FRMD6: variants seen among roughly 807,000 people sequenced by gnomAD.
The protein encoded by FRMD6 is FERM domain-containing protein 6.
A neutral mutation model predicts 73.2 loss-of-function variants in FRMD6; 37 were observed. That is an observed-to-expected ratio of 0.51 (90% CI 0.39 to 0.66). The LOEUF is 0.66. Among genes scored for constraint, FRMD6 ranks in the 30% least tolerant of loss-of-function variants. The pLI is 0.00. For missense variants in FRMD6, 714 were observed against 780.5 expected (o/e 0.91, Z 1.02); for synonymous variants, 273 against 282.2 (o/e 0.97, Z 0.33).
At chr14:51,525,009 G>GA (rs1885151801) in intron 1 of FRMD6, among the ~76,000 whole-genome samples, 1 of 137,980 alleles carries the variant, frequency 7.2e-6, no homozygotes, top group African/African-American at 2.7e-5. Context: ...AGGATTGTGT[G>GA]TTGGGTGGGT....
At chr14:51,489,381 C>T (rs999321329) in exon 1 of FRMD6, 6 of 152,638 alleles carry the variant, frequency 3.9e-5, no homozygotes, top group Non-Finnish European at 7.3e-5. Flanking sequence ...CTGCCCCATT[C>T]TGAGAGCAGC....
chr14:51,511,358 T>G (rs1186938115), intron 1 of FRMD6, among the ~76,000 whole-genome samples: 1 of 152,236 alleles, frequency 6.6e-6, no homozygotes, highest in Non-Finnish European at 1.5e-5. Flanking sequence ...ATTCTGATAA[T>G]ATGAATAACA....
chr14:51,409,026 G>A, the FRMD6 span, among the ~76,000 whole-genome samples: 20 of 152,130 alleles, frequency 1.3e-4, no homozygotes, highest in African/African-American at 4.6e-4. Flanking sequence ...AAGAATACTC[G>A]ACAGGGACTT....
At chr14:51,429,650 C>T in the FRMD6 span, among the ~76,000 whole-genome samples, 3 of 152,256 alleles carry the variant, frequency 2.0e-5, no homozygotes, top group East Asian at 5.8e-4. Context: ...TAAAAGAGAC[C>T]AAGCACTGGA....
At chr14:51,589,368 G>A (rs1398461768) in intron 2 of FRMD6, among the ~76,000 whole-genome samples, 1 of 151,016 alleles carries the variant, frequency 6.6e-6, no homozygotes, top group Non-Finnish European at 1.5e-5. Context: ...TGTTGTTGTT[G>A]TTGTTTTTCT....
intron 2 of FRMD6, chr14:51,637,842 TA>T (rs1391543382): frequency 1.3e-5 from 2 of 152,204 alleles, no homozygotes; most frequent in Non-Finnish European, 2.9e-5. Flanking sequence ...TAAATCCAAC[TA>T]AATCAGTTTT....
At chr14:51,505,801 T>A (rs1883931726) in intron 1 of FRMD6, among the ~76,000 whole-genome samples, 1 of 152,158 alleles carries the variant, frequency 6.6e-6, no homozygotes, top group South Asian at 2.1e-4. Flanking sequence ...AGGTTTTATC[T>A]CATACATTTC....
At chr14:51,522,529 T>A (rs933216982) in intron 1 of FRMD6, among the ~76,000 whole-genome samples, 16 of 152,150 alleles carry the variant, frequency 1.1e-4, no homozygotes, top group Middle Eastern at 3.2e-3. Context: ...AGCAACATAA[T>A]GAAAATGCCT....
intron 2 of FRMD6, among the ~76,000 whole-genome samples, chr14:51,591,922 T>C (rs1349084572): frequency 1.3e-5 from 2 of 152,216 alleles, no homozygotes; most frequent in African/African-American, 4.8e-5. Context: ...TACAGAACAA[T>C]TGGATTTTCT....
At chr14:51,537,819 T>G (rs1265983224) in intron 1 of FRMD6, among the ~76,000 whole-genome samples, 12 of 152,206 alleles carry the variant, frequency 7.9e-5, no homozygotes, top group Non-Finnish European at 1.8e-4. Flanking sequence ...TTTGGTGTGG[T>G]GTCTCTTCAT....
At chr14:51,414,500 T>A in the FRMD6 span, among the ~76,000 whole-genome samples, 1 of 152,208 alleles carries the variant, frequency 6.6e-6, no homozygotes, top group Non-Finnish European at 1.5e-5. Context: ...TCTGTTCTTT[T>A]CCATTGGTCT....
Position 51,729,647 on chromosome 14 carries a change from T to C in FRMD6, c.*1618T>C, listed in dbSNP as rs1245384433. On this transcript the variant is annotated 3_prime_UTR_variant, in exon 14 of 14. Transcript: ENST00000344768. ...ACAATCATATTTTTATACAAAATTA[T>C]GTTTTCAGGTAACGAAATAGATGTA... is the stretch of plus-strand genomic sequence containing the variant. The C allele has an allele frequency of 6.5e-6, 1 of 152,676 alleles. No homozygotes were observed. The highest frequency in any genetic ancestry group is 1.5e-5 in the Non-Finnish European group (1 of 68,042). The allele number at this position is 152,676 out of a possible 1,614,324, so 9.5% of individuals were successfully genotyped here.
At chr14:51,430,568 T>C in the FRMD6 span, among the ~76,000 whole-genome samples, 1 of 150,742 alleles carries the variant, frequency 6.6e-6, no homozygotes, top group Non-Finnish European at 1.5e-5. Flanking sequence ...AGTTAAAAAG[T>C]CAAGGTCAAA....
the FRMD6 span, among the ~76,000 whole-genome samples, chr14:51,430,326 T>C: frequency 6.6e-6 from 1 of 152,312 alleles, no homozygotes; most frequent in East Asian, 1.9e-4. Flanking sequence ...AGTCTTTAAA[T>C]ATAGTTGCTC....
chr14:51,644,713 G>A (rs1891987125), intron 2 of FRMD6, among the ~76,000 whole-genome samples: 1 of 152,158 alleles, frequency 6.6e-6, no homozygotes, highest in African/African-American at 2.4e-5. Flanking sequence ...GGGTATAAGT[G>A]TGACAAAATG....
chr14:51,433,970 G>A, the FRMD6 span, among the ~76,000 whole-genome samples: 2 of 152,132 alleles, frequency 1.3e-5, no homozygotes, highest in East Asian at 3.8e-4. Context: ...AATCTATTTG[G>A]TAAATACTCA....
At chr14:51,567,707 T>C (rs952315041) in intron 1 of FRMD6, among the ~76,000 whole-genome samples, 2 of 152,208 alleles carry the variant, frequency 1.3e-5, no homozygotes, top group Non-Finnish European at 2.9e-5. Context: ...CTTAAAGCTA[T>C]CCTCAACACT....
chr14:51,687,321 A>C, intron 1 of FRMD6, among the ~76,000 whole-genome samples: 1 of 152,196 alleles, frequency 6.6e-6, no homozygotes, highest in South Asian at 2.1e-4. Context: ...TAAGAATTAC[A>C]CTGGGATGAA....
rs538796098 is a variant in FRMD6, at chr14:51,658,911, G to C, written c.-147+6915G>C. On this transcript the variant is annotated intron_variant, in intron 1 of 13. Coordinates refer to ENST00000344768, the MANE Select transcript of FRMD6 (RefSeq NM_001267046.2). ...AATTAGAGAATTTTATAAATATGTG[G>C]TATTTATATATCCTACCCGAATAAG... 1.3e-3 allele frequency among the ~76,000 whole-genome samples: 199 copies of C among 152,250 alleles called. 1 individual carries two copies. The highest frequency in any genetic ancestry group is 4.5e-3 in the African/African-American group (187 of 41,540).
Sources: allele counts gnomAD v4.1 joint callset (sites outside exome capture counted in the v4.1 genomes callset), GRCh38; gene constraint gnomAD v4.1.1; transcripts MANE v1.5; gene names NCBI Gene and HGNC (gene_info 2026-07-23, HGNC 2026-07-21).